Variants in CTNNBL1 observed in about 807,000 individuals in gnomAD.
The protein encoded by CTNNBL1 is beta-catenin-like protein 1.
A neutral mutation model predicts 72.7 loss-of-function variants in CTNNBL1; 31 were observed. That is an observed-to-expected ratio of 0.43 (90% confidence interval 0.32 to 0.58). The LOEUF (loss-of-function observed/expected upper bound fraction) is 0.58. CTNNBL1 is among the 20% of genes least tolerant of loss of function. The pLI, the probability that CTNNBL1 is intolerant of heterozygous loss-of-function variation, is 0.08. For missense variants in CTNNBL1, 534 were observed against 725.1 expected (o/e 0.74, Z 3.03); for synonymous variants, 240 against 267.3 (o/e 0.90, Z 1.00).
At chr20:37,757,477 T>C in intron 4 of CTNNBL1, 82 bp from the exon 5 acceptor site, 1 of 903,504 alleles carries the variant, frequency 1.1e-6, no homozygotes, top group Non-Finnish European at 1.8e-6. Flanking sequence ...AAGCAATTGA[T>C]GAGGAAACGG....
chr20:37,701,307 T>C (rs1418573584), intron 1 of CTNNBL1, among the ~76,000 whole-genome samples: 2 of 152,236 alleles, frequency 1.3e-5, no homozygotes, highest in Non-Finnish European at 2.9e-5. Context: ...TTCTTGGAGA[T>C]AACATTGTAG....
chr20:37,842,650 TG>T (rs899147288), intron 13 of CTNNBL1, among the ~76,000 whole-genome samples: 1 of 152,208 alleles, frequency 6.6e-6, no homozygotes, highest in African/African-American at 2.4e-5. Flanking sequence ...CCTGGGAGTC[TG>T]GGTGGACAGC....
chr20:37,748,544 G>T (rs771123551), intron 4 of CTNNBL1, among the ~76,000 whole-genome samples: 1 of 152,192 alleles, frequency 6.6e-6, no homozygotes, highest in Non-Finnish European at 1.5e-5. Flanking sequence ...TGCTCAAGCA[G>T]CATCAGTCAG....
At chr20:37,799,761 G>A (rs2073808410) in intron 10 of CTNNBL1, among the ~76,000 whole-genome samples, 2 of 152,178 alleles carry the variant, frequency 1.3e-5, no homozygotes, top group Admixed American at 6.5e-5. Context: ...TTGAAACTCA[G>A]TAGTTGGATT....
chr20:37,728,218 A>G (rs1013779687), intron 1 of CTNNBL1, among the ~76,000 whole-genome samples: 1 of 152,232 alleles, frequency 6.6e-6, no homozygotes, highest in East Asian at 1.9e-4. Context: ...AGTGTAAAAT[A>G]CATACCAGAT....
chr20:37,859,552 G>C (rs1488190452), intron 13 of CTNNBL1, among the ~76,000 whole-genome samples: 2 of 151,290 alleles, frequency 1.3e-5, no homozygotes, highest in Non-Finnish European at 2.9e-5. Context: ...AAACCAAAGA[G>C]TGAAAAATGA....
chr20:37,808,277 ATCT>A lies in CTNNBL1; in HGVS notation c.1213+5232_1213+5234del, dbSNP rs1484439623. Among the ~76,000 whole-genome samples the A allele has an allele frequency of 5.3e-5, 8 of 152,234 alleles. No individual in the cohort carries two copies. In the East Asian group the frequency reaches 1.5e-3, roughly 29 times the overall value. Reference sequence around the variant, plus strand: ...CAGGAAGCATACGGCTGCCTTGTGTATCTTCCTAACAGTGAGGAAATCGGGTCA... The same window carrying A: ...CAGGAAGCATACGGCTGCCTTGTGTATCCTAACAGTGAGGAAATCGGGTCA... On this transcript the variant is annotated intron_variant, in intron 11 of 15. Coordinates refer to ENST00000361383, the MANE Select transcript of CTNNBL1 (RefSeq NM_030877.5).
At chr20:37,801,986 G>A (rs1041812264) in intron 10 of CTNNBL1, among the ~76,000 whole-genome samples, 8 of 152,194 alleles carry the variant, frequency 5.3e-5, no homozygotes, top group African/African-American at 1.7e-4. Context: ...ACTAGCAAAC[G>A]AGTTTAGCAA....
At chr20:37,752,820 G>C (rs1156971905) in intron 4 of CTNNBL1, among the ~76,000 whole-genome samples, 1 of 152,094 alleles carries the variant, frequency 6.6e-6, no homozygotes, top group Non-Finnish European at 1.5e-5. Context: ...GAGGGAGTGC[G>C]TGGGTGGCCT....
chr20:37,778,752 G>A (rs1258054209), intron 9 of CTNNBL1, among the ~76,000 whole-genome samples: 1 of 152,146 alleles, frequency 6.6e-6, no homozygotes. Flanking sequence ...ATATGGTTGG[G>A]TTGGGCAAGT....
intron 1 of CTNNBL1, among the ~76,000 whole-genome samples, chr20:37,701,769 T>TG (rs2072845451): frequency 6.6e-6 from 1 of 151,730 alleles, no homozygotes; most frequent in Admixed American, 6.6e-5. Flanking sequence ...TCGGAGACGA[T>TG]GGGGGTCATC....
At chr20:37,833,971 C>T (rs2122798149) in intron 11 of CTNNBL1, among the ~76,000 whole-genome samples, 1 of 152,304 alleles carries the variant, frequency 6.6e-6, no homozygotes, top group East Asian at 1.9e-4. Context: ...CGTGCCTCAG[C>T]ATCCAGATAG....
intron 11 of CTNNBL1, among the ~76,000 whole-genome samples, chr20:37,810,828 T>C (rs2072005677): frequency 6.6e-6 from 1 of 152,188 alleles, no homozygotes; most frequent in Non-Finnish European, 1.5e-5. Flanking sequence ...AGACAGGACT[T>C]AGGTTGGTCT....
intron 11 of CTNNBL1, among the ~76,000 whole-genome samples, chr20:37,818,577 C>T (rs1014041790): frequency 2.6e-5 from 4 of 152,218 alleles, no homozygotes; most frequent in Non-Finnish European, 5.9e-5. Flanking sequence ...TAGATGTAAA[C>T]AGGCAGGCAG....
intron 10 of CTNNBL1, among the ~76,000 whole-genome samples, chr20:37,796,996 C>T (rs1388427092): frequency 6.6e-6 from 1 of 152,156 alleles, no homozygotes; most frequent in African/African-American, 2.4e-5. Flanking sequence ...TGTGTTGGAG[C>T]CGGCTCATGT....
intron 11 of CTNNBL1, among the ~76,000 whole-genome samples, chr20:37,832,583 C>T (rs2072218861): frequency 6.6e-6 from 1 of 152,300 alleles, no homozygotes; most frequent in Non-Finnish European, 1.5e-5. Flanking sequence ...CCCTGTGATC[C>T]TAAATCCCCA....
chr20:37,802,516 T>C (rs1349909286), intron 10 of CTNNBL1, among the ~76,000 whole-genome samples: 1 of 152,210 alleles, frequency 6.6e-6, no homozygotes, highest in Non-Finnish European at 1.5e-5. Context: ...ATTGTCTCAA[T>C]AAAGCTGTTA....
At chr20:37,805,303 C>A (rs1365458781) in intron 11 of CTNNBL1, among the ~76,000 whole-genome samples, 2 of 152,218 alleles carry the variant, frequency 1.3e-5, no homozygotes, top group African/African-American at 4.8e-5. Flanking sequence ...CCCCGGGCTT[C>A]CAGCATGCTC....
intron 10 of CTNNBL1, among the ~76,000 whole-genome samples, chr20:37,781,139 T>C (rs2073622043): frequency 6.6e-6 from 1 of 152,166 alleles, no homozygotes; most frequent in Non-Finnish European, 1.5e-5. Context: ...AGCTTTACTC[T>C]CTTGAGTCTT....
Sources: allele counts gnomAD v4.1 joint callset (sites outside exome capture counted in the v4.1 genomes callset), GRCh38; gene constraint gnomAD v4.1.1; transcripts MANE v1.5; gene names NCBI Gene and HGNC (gene_info 2026-07-23, HGNC 2026-07-21).